PCDHA3: variants seen among roughly 807,000 people sequenced by gnomAD.
PCDHA3 encodes the protein protocadherin alpha-3.
In PCDHA3, 41 loss-of-function variants were observed where a neutral mutation model predicts 62.2. That is an observed-to-expected ratio of 0.66 (90% confidence interval 0.51 to 0.86). PCDHA3 has a LOEUF of 0.86. PCDHA3 is among the 40% of genes least tolerant of loss of function. PCDHA3 has a pLI of 0.00. For synonymous variants in PCDHA3, 640 were observed against 555.4 expected (o/e 1.15, Z -2.14); for missense variants, 1,304 against 1,241.2 (o/e 1.05, Z -0.76).
chr5:140,830,473 T>C (rs2150186969), intron 1 of PCDHA3: 15 of 1,553,368 alleles, frequency 9.7e-6, no homozygotes, highest in Non-Finnish European at 1.3e-5. Context: ...TAAATGAAGA[T>C]CATGATGCCA....
intron 1 of PCDHA3, chr5:140,809,333 C>T (rs781869245): frequency 1.2e-6 from 2 of 1,614,092 alleles, no homozygotes; most frequent in South Asian, 2.2e-5. Context: ...GCTCACGCTG[C>T]TGCTGTACAC....
chr5:140,899,936 T>G (rs1443562291), intron 1 of PCDHA3, among the ~76,000 whole-genome samples: 1 of 152,064 alleles, frequency 6.6e-6, no homozygotes, highest in Non-Finnish European at 1.5e-5. Flanking sequence ...GCCTCCTGAA[T>G]AGCTGGGACC....
At chr5:140,872,207 T>C (rs1372716316) in intron 1 of PCDHA3, among the ~76,000 whole-genome samples, 1 of 152,224 alleles carries the variant, frequency 6.6e-6, no homozygotes, top group African/African-American at 2.4e-5. Flanking sequence ...ATAAATTCAT[T>C]ATATATGAAA....
Position 140,928,898 on chromosome 5 carries a change from A to T in PCDHA3, c.2395-50051A>T, listed in dbSNP as rs782530169. ...CCTCAGTTACTTCCAGACTTTGAAGATGTCTGGGAACCAGGAGGGCAGCTT... is the reference window on the plus strand; with the variant it reads ...CCTCAGTTACTTCCAGACTTTGAAGTTGTCTGGGAACCAGGAGGGCAGCTT... On this transcript the variant is annotated intron_variant, in intron 1 of 3. Coordinates refer to ENST00000522353, the MANE Select transcript of PCDHA3 (RefSeq NM_018906.3). 77 of 1,614,004 alleles carry T rather than the reference A, an allele frequency of 4.8e-5. No individual in the cohort carries two copies. The African/African-American group carries it at 7.2e-4, about 15-fold the overall frequency.
At chr5:140,872,001 AC>A (rs1237580171) in intron 1 of PCDHA3, among the ~76,000 whole-genome samples, 21 of 152,320 alleles carry the variant, frequency 1.4e-4, no homozygotes, top group African/African-American at 5.1e-4. Context: ...GTGGCTATTT[AC>A]AGGTGACCTG....
intron 1 of PCDHA3, chr5:140,875,473 A>T: frequency 1.2e-6 from 2 of 1,606,460 alleles, no homozygotes; most frequent in Non-Finnish European, 1.7e-6. Flanking sequence ...ATTTTCTGCA[A>T]TGGTGATTAT....
chr5:140,838,074 TATAGTGTGTGTGTGTGTGTG>T (rs1775436648), intron 1 of PCDHA3, among the ~76,000 whole-genome samples: 2 of 120,528 alleles, frequency 1.7e-5, no homozygotes. Context: ...GTTATATATA[TATAGTGTGTGTGTGTGTGTG>T]TGTGTGTGTG....
chr5:140,896,485 C>G (rs1259028670), intron 1 of PCDHA3, among the ~76,000 whole-genome samples: 1 of 152,032 alleles, frequency 6.6e-6, no homozygotes, highest in Non-Finnish European at 1.5e-5. Context: ...GCCTCAGCCT[C>G]CTGAGTAGCT....
At chr5:140,982,348 T>A (rs1253085859) in intron 2 of PCDHA3, 127 bp from the exon 3 acceptor site, 1 of 1,496,080 alleles carries the variant, frequency 6.7e-7, no homozygotes, top group East Asian at 2.4e-5. Flanking sequence ...TTGCTTCAGT[T>A]CAAGCATGAG....
At chr5:140,939,629 A>G (rs1250529725) in intron 1 of PCDHA3, among the ~76,000 whole-genome samples, 5 of 152,248 alleles carry the variant, frequency 3.3e-5, no homozygotes, top group African/African-American at 1.2e-4. Context: ...AAGAAAATCA[A>G]TAAGGGTACT....
intron 1 of PCDHA3, among the ~76,000 whole-genome samples, chr5:140,970,092 A>C (rs1554232243): frequency 6.6e-6 from 1 of 151,978 alleles, no homozygotes; most frequent in East Asian, 1.9e-4. Context: ...GTGTGGGGGG[A>C]TGGTGAAGAC....
chr5:140,878,728 C>T (rs1554170509), intron 1 of PCDHA3, among the ~76,000 whole-genome samples: 1 of 152,170 alleles, frequency 6.6e-6, no homozygotes, highest in Non-Finnish European at 1.5e-5. Flanking sequence ...AATTTCCAGC[C>T]TTATATCTAC....
At chr5:140,830,105 A>G in intron 1 of PCDHA3, 1 of 1,613,218 alleles carries the variant, frequency 6.2e-7, no homozygotes, top group African/African-American at 1.3e-5. Context: ...GCTGGTGGAG[A>G]GTGGCCAGGC....
chr5:140,968,285 T>A, intron 1 of PCDHA3: 1 of 1,614,006 alleles, frequency 6.2e-7, no homozygotes, highest in Non-Finnish European at 8.5e-7. Flanking sequence ...GGTGACCTAC[T>A]CCCTTCTGGA....
In PCDHA3 at chr5:140,823,771, G is replaced by C. The variant is rs2150128985; in HGVS notation, c.2394+20180G>C. The C allele has an allele frequency of 4.5e-5, 73 of 1,613,760 alleles. No homozygotes were observed. The highest frequency in any genetic ancestry group is 6.7e-5 in the African/African-American group (5 of 74,940). On this transcript the variant is annotated intron_variant, in intron 1 of 3. Coordinates refer to ENST00000522353, the MANE Select transcript of PCDHA3 (RefSeq NM_018906.3). ...GCTGACAGCCACAGCCACAGTGCTG[G>C]TGTCGCTGGTGGAAAGTGGCCAGGC... is the stretch of plus-strand genomic sequence containing the variant.
chr5:140,966,278 T>A, intron 1 of PCDHA3: 1 of 363,192 alleles, frequency 2.8e-6, no homozygotes, highest in Non-Finnish European at 4.9e-6. Context: ...AACTGGACAG[T>A]GGGGGTAGGG....
chr5:140,939,171 T>C (rs2092330047), intron 1 of PCDHA3, among the ~76,000 whole-genome samples: 1 of 152,170 alleles, frequency 6.6e-6, no homozygotes. Flanking sequence ...TGTCTGGTAA[T>C]GGCCCACTCC....
At chr5:140,835,075 C>T (rs2150230392) in intron 1 of PCDHA3, 4 of 1,211,226 alleles carry the variant, frequency 3.3e-6, no homozygotes, top group Non-Finnish European at 4.5e-6. Flanking sequence ...TTACTCATCA[C>T]GGTACTGGAC....
chr5:140,820,653 A>G (rs191345259), intron 1 of PCDHA3, among the ~76,000 whole-genome samples: 12 of 152,236 alleles, frequency 7.9e-5, no homozygotes, highest in Admixed American at 7.8e-4. Context: ...TTAAAAAGTA[A>G]TTAAACTAAT....
Sources: allele counts gnomAD v4.1 joint callset (sites outside exome capture counted in the v4.1 genomes callset), GRCh38; gene constraint gnomAD v4.1.1; transcripts MANE v1.5; gene names NCBI Gene and HGNC (gene_info 2026-07-23, HGNC 2026-07-21).